Variants in GKAP1 observed in about 807,000 individuals in gnomAD.
GKAP1 encodes the protein G kinase-anchoring protein 1.
In GKAP1, 31 loss-of-function variants were observed where a neutral mutation model predicts 56.7. The ratio of observed to expected loss-of-function variants is 0.55; its 90% CI spans 0.41 to 0.74. The LOEUF is 0.74. Ranked by LOEUF, GKAP1 falls within the 30% of genes least tolerant of loss-of-function variation. The probability of loss-of-function intolerance (pLI) is 0.00; values close to 1 mark genes in which losing one functional copy is unlikely to be tolerated. For missense variants in GKAP1, 364 were observed against 402.3 expected (o/e 0.90, Z 0.82); for synonymous variants, 151 against 138.6 (o/e 1.09, Z -0.63).
intron 7 of GKAP1, among the ~76,000 whole-genome samples, chr9:83,778,957 A>G (rs1483208139): frequency 6.6e-6 from 1 of 152,110 alleles, no homozygotes; most frequent in Non-Finnish European, 1.5e-5. Flanking sequence ...AATATATTAA[A>G]TAGGTAGGAT....
intron 2 of GKAP1, among the ~76,000 whole-genome samples, chr9:83,814,078 T>G (rs117899023): frequency 0.013 from 2,020 of 151,868 alleles, 36 homozygotes; most frequent in East Asian, 0.044. Flanking sequence ...CACCTTGGGT[T>G]ACAGCCTGAG....
chr9:83,805,731 A>G (rs1367144225), intron 3 of GKAP1, among the ~76,000 whole-genome samples: 2 of 152,226 alleles, frequency 1.3e-5, no homozygotes, highest in East Asian at 1.9e-4. Context: ...ATCTCTGGTT[A>G]TATCTATAAA....
intron 7 of GKAP1, 127 bp from the exon 8 acceptor site, chr9:83,769,097 G>C: frequency 6.6e-6 from 4 of 607,944 alleles, no homozygotes; most frequent in Non-Finnish European, 2.7e-6. Context: ...GATAAAAAAA[G>C]AAAGAAAAAT....
intron 4 of GKAP1, among the ~76,000 whole-genome samples, chr9:83,795,681 G>A (rs1392904374): frequency 2.7e-5 from 4 of 149,714 alleles, no homozygotes; most frequent in African/African-American, 7.4e-5. Flanking sequence ...AGCCTGAGTA[G>A]CTGGGACTAC....
chr9:83,758,986 CTAAGAAAAACTTCTAATTTTTTCATT>C (rs1444316976), intron 8 of GKAP1, among the ~76,000 whole-genome samples: 3 of 151,936 alleles, frequency 2.0e-5, no homozygotes, highest in African/African-American at 4.8e-5. Flanking sequence ...TTAATGAAAG[CTAAGAAAAACTTCTAATTTTTTCATT>C]TATGAAAAAC....
intron 8 of GKAP1, among the ~76,000 whole-genome samples, chr9:83,764,468 G>A (rs1335865564): frequency 2.0e-5 from 3 of 152,062 alleles, no homozygotes; most frequent in South Asian, 2.1e-4. Context: ...ACCCAATCTC[G>A]GGTATTTCTT....
rs188822587 is a variant in GKAP1, at chr9:83,747,729, T to C, written c.904+580A>G. Among the ~76,000 whole-genome samples, 58 of 152,038 alleles carry C rather than the reference T, an allele frequency of 3.8e-4. 1 individual carries two copies. The highest frequency in any genetic ancestry group is 6.9e-4 in the Non-Finnish European group (47 of 67,974). ...TCGGCTCACTGCAACCTCTGCCTCC[T>C]GAGTTCAAACAATTCTCATGCCTCA... On this transcript the variant is annotated intron_variant, in intron 10 of 12. Coordinates refer to ENST00000376371, the MANE Select transcript of GKAP1 (RefSeq NM_025211.4).
At chr9:83,758,448 C>T (rs1486492673) in intron 8 of GKAP1, among the ~76,000 whole-genome samples, 1 of 152,074 alleles carries the variant, frequency 6.6e-6, no homozygotes, top group Non-Finnish European at 1.5e-5. Flanking sequence ...AAAAATGAAA[C>T]TAGGCTGGAT....
chr9:83,809,958 C>T (rs1269404537), intron 2 of GKAP1, among the ~76,000 whole-genome samples: 1 of 152,118 alleles, frequency 6.6e-6, no homozygotes, highest in Non-Finnish European at 1.5e-5. Context: ...AAAGTGTGTG[C>T]CACCATGCCT....
intron 5 of GKAP1, among the ~76,000 whole-genome samples, chr9:83,785,495 C>A (rs905310937): frequency 2.0e-4 from 30 of 152,302 alleles, no homozygotes; most frequent in African/African-American, 7.2e-4. Context: ...TTCCATCTCA[C>A]TACCCTGCCT....
intron 2 of GKAP1, among the ~76,000 whole-genome samples, chr9:83,812,384 C>G (rs1299830470): frequency 6.7e-6 from 1 of 149,466 alleles, no homozygotes; most frequent in East Asian, 2.0e-4. Context: ...GGGTCTTACT[C>G]ACACACCAAG....
intron 7 of GKAP1, among the ~76,000 whole-genome samples, chr9:83,774,339 C>A (rs145280566): frequency 6.6e-6 from 1 of 151,824 alleles, no homozygotes; most frequent in Non-Finnish European, 1.5e-5. Flanking sequence ...CGGTGGCTCA[C>A]GCCTGTAGTC....
chr9:83,792,347 G>A (rs1944173879), intron 4 of GKAP1, among the ~76,000 whole-genome samples: 1 of 152,002 alleles, frequency 6.6e-6, no homozygotes, highest in Admixed American at 6.5e-5. Flanking sequence ...AGGCTATAGG[G>A]CAGAAAAAAG....
intron 10 of GKAP1, among the ~76,000 whole-genome samples, chr9:83,746,992 A>G (rs1444645700): frequency 6.6e-6 from 1 of 152,152 alleles, no homozygotes. Flanking sequence ...ATTTCTTAAG[A>G]GCTATACAAT....
intron 8 of GKAP1, among the ~76,000 whole-genome samples, chr9:83,761,125 C>A: frequency 1.4e-5 from 2 of 144,262 alleles, no homozygotes; most frequent in African/African-American, 5.1e-5. Context: ...GAAAAAAAAC[C>A]TAAAAATTAA....
intron 4 of GKAP1, among the ~76,000 whole-genome samples, chr9:83,790,180 G>A (rs955001752): frequency 4.6e-5 from 7 of 151,924 alleles, no homozygotes; most frequent in Non-Finnish European, 8.8e-5. Context: ...ACAATCGAAT[G>A]CAGAAAAATA....
intron 5 of GKAP1, among the ~76,000 whole-genome samples, chr9:83,786,186 C>G (rs927192475): frequency 6.6e-6 from 1 of 152,220 alleles, no homozygotes; most frequent in African/African-American, 2.4e-5. Context: ...CTCCACTACA[C>G]TCAAGGGGCA....
At chr9:83,745,739 T>C (rs1943282407) in intron 10 of GKAP1, among the ~76,000 whole-genome samples, 1 of 152,114 alleles carries the variant, frequency 6.6e-6, no homozygotes, top group Non-Finnish European at 1.5e-5. Context: ...CATGCACAGG[T>C]CTAAATTAAT....
intron 4 of GKAP1, among the ~76,000 whole-genome samples, chr9:83,790,313 G>C (rs771656426): frequency 2.4e-4 from 37 of 152,146 alleles, no homozygotes; most frequent in Non-Finnish European, 5.1e-4. Flanking sequence ...CTAGTAATTA[G>C]CAAGAAAAAG....
Sources: gnomAD v4.1 joint callset for allele counts (sites outside exome capture counted in the v4.1 genomes callset) on GRCh38, gnomAD v4.1.1 for gene constraint, MANE v1.5 for transcripts, NCBI Gene and HGNC (gene_info 2026-07-23, HGNC 2026-07-21) for gene names.